ANO1: variants seen among roughly 807,000 people sequenced by gnomAD.
ANO1 encodes the protein anoctamin-1.
In ANO1, 59 loss-of-function variants were observed where a neutral mutation model predicts 124.0. The observed-to-expected ratio is 0.48, with a 90% CI of 0.39 to 0.59. The LOEUF is 0.59. ANO1 is among the 20% of genes least tolerant of loss of function. The probability of loss-of-function intolerance (pLI) is 0.00; values close to 1 mark genes in which losing one functional copy is unlikely to be tolerated. For missense variants in ANO1, 1,059 were observed against 1,328.0 expected (o/e 0.80, Z 3.15); for synonymous variants, 529 against 532.0 (o/e 0.99, Z 0.08).
At chr11:70,144,219 C>T (rs1264230136) in intron 11 of ANO1, among the ~76,000 whole-genome samples, 1 of 152,204 alleles carries the variant, frequency 6.6e-6, no homozygotes, top group African/African-American at 2.4e-5. Flanking sequence ...TGTGCTGAGC[C>T]TCTCAAGGGG....
rs1372814339 is a variant in ANO1 at position 70,189,296 on chromosome 11, AAGTTCATAGGTGTCGT to A, written c.*1294_*1309del. Reference sequence around the variant, plus strand: ...CCCTTTAATCTGCCAACTGTGGTCAAAGTTCATAGGTGTCGTACATTTCCATTATTTGCTAAAATCA... The same window carrying A: ...CCCTTTAATCTGCCAACTGTGGTCAAACATTTCCATTATTTGCTAAAATCA... On this transcript the variant is annotated 3_prime_UTR_variant, in exon 26 of 26. Coordinates refer to ENST00000355303, the MANE Select transcript of ANO1 (RefSeq NM_018043.7). 2 of 152,654 alleles carry A rather than the reference AAGTTCATAGGTGTCGT, an allele frequency of 1.3e-5. No individual in the cohort carries two copies. The highest frequency in any genetic ancestry group is 2.9e-5 in the Non-Finnish European group (2 of 68,034). 9.5% of individuals were successfully genotyped at this position (152,654 alleles called of 1,614,324 possible).
rs919718201 is a variant in ANO1, at chr11:70,032,134, C to T, written c.58+45968C>T. On this transcript the variant is annotated intron_variant, in intron 1 of 27. Coordinates refer to the ANO1 transcript ENST00000531349. Reference sequence around the variant, plus strand: ...CAGGAAAGGACCTGGGCTGTTAGAACCATTTCCAACTGTGGTCTGTGCTGT... The same window carrying T: ...CAGGAAAGGACCTGGGCTGTTAGAATCATTTCCAACTGTGGTCTGTGCTGT... Among the ~76,000 whole-genome samples, 4 of 152,276 alleles carry T rather than the reference C, an allele frequency of 2.6e-5. No individual in the cohort carries two copies. The East Asian group carries it at 7.7e-4, about 29-fold the overall frequency.
chr11:70,165,449 G>A, intron 19 of ANO1, 21 bp from the exon 20 acceptor site: 9 of 1,591,916 alleles, frequency 5.7e-6, no homozygotes, highest in Non-Finnish European at 7.7e-6. Context: ...TAGCGTGGCT[G>A]ATGCTGCTCT....
chr11:70,149,583 G>C (rs530009770), intron 11 of ANO1, 127 bp from the exon 12 acceptor site: 1 of 953,516 alleles, frequency 1.0e-6, no homozygotes, highest in Non-Finnish European at 1.6e-6. Flanking sequence ...CCCAGGAGGC[G>C]AGATTGCAGT....
Position 70,167,254 on chromosome 11 carries a change from G to C in ANO1, c.2064G>C (p.Lys688Asn). ...LFEIGIPKMK[K>N]LIRYLKLKQQ... ...TCTCATCTCTCAGGAAGATGAAGAA[G>C]CTCATCCGCTACCTGAAGCTGAAGC... Residue 688 changes from lysine to asparagine, a missense_variant, in exon 21 of 26, where the codon AAG (lysine) becomes AAC (asparagine). Physicochemically the swap from Lys to Asn is moderately conservative, Grantham distance 94. Coordinates refer to ENST00000355303, the MANE Select transcript of ANO1 (RefSeq NM_018043.7). 6.2e-7 allele frequency: 1 copy of C among 1,613,976 alleles called. No individual in the cohort carries two copies. The highest frequency in any genetic ancestry group is 8.5e-7 in the Non-Finnish European group (1 of 1,179,862).
intron 1 of ANO1, among the ~76,000 whole-genome samples, chr11:70,016,839 C>G (rs1237264756): frequency 6.6e-6 from 1 of 152,240 alleles, no homozygotes; most frequent in Non-Finnish European, 1.5e-5. Context: ...GGGCTTCTAC[C>G]AAGATCTGTG....
At chr11:70,121,114 G>A (rs531892671) in intron 8 of ANO1, among the ~76,000 whole-genome samples, 2 of 152,068 alleles carry the variant, frequency 1.3e-5, no homozygotes, top group Admixed American at 6.5e-5. Flanking sequence ...CACTGAGGGT[G>A]GGTCCCTCCT....
At chr11:70,068,221 G>A (rs1857782724) in intron 1 of ANO1, among the ~76,000 whole-genome samples, 1 of 152,180 alleles carries the variant, frequency 6.6e-6, no homozygotes, top group African/African-American at 2.4e-5. Flanking sequence ...GAACCTGTTT[G>A]TTTAGATTCC....
intron 1 of ANO1, among the ~76,000 whole-genome samples, chr11:70,018,971 T>C (rs985894334): frequency 6.6e-6 from 1 of 152,158 alleles, no homozygotes; most frequent in Non-Finnish European, 1.5e-5. Context: ...TTAGAGTCCA[T>C]GGAAGGGAGA....
chr11:70,002,751 G>A (rs1223621755), intron 1 of ANO1, among the ~76,000 whole-genome samples: 1 of 152,148 alleles, frequency 6.6e-6, no homozygotes, highest in Non-Finnish European at 1.5e-5. Flanking sequence ...AAGAAGTCAT[G>A]GGTGCCGTCG....
chr11:70,056,200 T>C (rs929767750), intron 1 of ANO1: 3 of 152,098 alleles, frequency 2.0e-5, no homozygotes, highest in African/African-American at 4.8e-5. Flanking sequence ...TTAGTGCAGG[T>C]CTGCTGGAAA....
chr11:70,062,700 T>C (rs1399665011), intron 1 of ANO1, among the ~76,000 whole-genome samples: 1 of 152,182 alleles, frequency 6.6e-6, no homozygotes, highest in Non-Finnish European at 1.5e-5. Flanking sequence ...TCCATGAGAC[T>C]GGGCAGGTTC....
intron 18 of ANO1, 61 bp downstream of exon 18, chr11:70,161,794 C>G (rs2048053975): frequency 1.3e-6 from 2 of 1,536,508 alleles, no homozygotes; most frequent in Admixed American, 3.4e-5. Context: ...GAGGGCTCTC[C>G]CTCCCCACAG....
chr11:70,104,079 C>T lies in ANO1; in HGVS notation c.621C>T (p.Pro207=). 1 of 1,612,982 alleles carries T rather than the reference C, an allele frequency of 6.2e-7. No homozygotes were observed. Among genetic ancestry groups the T allele is most frequent in the South Asian group, 1.1e-5 (1 of 90,820 alleles). ...VLQKITDPIQ[P]KVAEHRPQTM... ...AGAAAATCACAGATCCCATCCAGCC[C>T]AAAGTGGCTGAGCACAGGCCCCAGA... Residue 207 remains proline (P), a synonymous_variant, in exon 4 of 26, where the codon CCC becomes CCT. Transcript: ENST00000355303.
At position 70,165,633 on chromosome 11, in the gene ANO1, G is replaced by T. The variant is rs577083426; in HGVS notation, c.2051+63G>T. On this transcript the variant is annotated intron_variant, in intron 20 of 25. Coordinates refer to ENST00000355303, the MANE Select transcript of ANO1 (RefSeq NM_018043.7). The stretch of plus-strand genomic sequence containing the variant: ...GGCCAGGCGGAGGGGTGTGTGGGTG[G>T]CTCCTGCGGGGGTCTGGGTGGACGC... 2.9e-6 allele frequency: 4 copies of T among 1,387,810 alleles called. No individual in the cohort carries two copies. The African/African-American group carries it at 4.3e-5, about 15-fold the overall frequency. The allele number at this position is 1,387,810 out of a possible 1,614,324, so 86.0% of individuals were successfully genotyped here.
At chr11:70,162,054 G>C (rs2048067639) in intron 18 of ANO1, among the ~76,000 whole-genome samples, 1 of 150,194 alleles carries the variant, frequency 6.7e-6, no homozygotes, top group Admixed American at 6.6e-5. Flanking sequence ...TGAGGACCGG[G>C]GAGTGAGGAC....
the ANO1 span, among the ~76,000 whole-genome samples, chr11:69,966,887 G>A: frequency 6.6e-6 from 1 of 152,168 alleles, no homozygotes; most frequent in Non-Finnish European, 1.5e-5. Context: ...GCACCTTCTA[G>A]GGTGGCAAAC....
upstream of ANO1, chr11:70,078,202 A>G (rs1201211960): frequency 6.5e-6 from 1 of 152,888 alleles, no homozygotes; most frequent in Non-Finnish European, 1.5e-5. Context: ...GCAGGAATGG[A>G]ATACTTTTTC....
At chr11:70,112,711 C>T (rs566461904) in intron 7 of ANO1, among the ~76,000 whole-genome samples, 1 of 152,250 alleles carries the variant, frequency 6.6e-6, no homozygotes, top group South Asian at 2.1e-4. Flanking sequence ...GCGTGCACCG[C>T]TACACCCAGC....
Sources: allele counts gnomAD v4.1 joint callset (sites outside exome capture counted in the v4.1 genomes callset), GRCh38; gene constraint gnomAD v4.1.1; transcripts MANE v1.5; gene names NCBI Gene and HGNC (gene_info 2026-07-23, HGNC 2026-07-21).